The following CDH23 variants were observed in gnomAD, a reference collection of about 807,000 sequenced individuals.
The protein encoded by CDH23 is cadherin related 23, also known as cadherin-23.
Under a neutral mutation model 317.1 loss-of-function variants are expected in CDH23, and 189 were observed. The ratio of observed to expected loss-of-function variants is 0.60; its 90% CI spans 0.53 to 0.67. The LOEUF (loss-of-function observed/expected upper bound fraction) is 0.67, where lower values mean the gene tolerates loss of function less well. Among genes scored for constraint, CDH23 ranks in the 30% least tolerant of loss-of-function variants. The pLI is 0.00. For missense variants in CDH23, 4,401 were observed against 4,592.4 expected (o/e 0.96, Z 1.20); for synonymous variants, 1,839 against 1,876.8 (o/e 0.98, Z 0.52).
chr10:71,566,630 T>C lies in CDH23; in HGVS notation c.430-112T>C, dbSNP rs372516485. ...CTCCTAGAATGAAAATGACAAGGCC[T>C]CGGGTCTGGTTGGCTGAAGGATGTA... On this transcript the variant is annotated intron_variant, in intron 6 of 69. Coordinates refer to ENST00000224721, the MANE Select transcript of CDH23 (RefSeq NM_022124.6). 3.0e-5 allele frequency: 28 copies of C among 933,094 alleles called. No individual in the cohort carries two copies. In the East Asian group the frequency reaches 3.6e-4, roughly 12 times the overall value. The allele number at this position is 933,094 out of a possible 1,614,324, so 57.8% of individuals were successfully genotyped here.
intron 24 of CDH23, among the ~76,000 whole-genome samples, chr10:71,703,267 T>G (rs1865659032): frequency 6.6e-6 from 1 of 152,106 alleles, no homozygotes. Context: ...GGGTTTCAAG[T>G]CCTTTCAACA....
At chr10:71,683,443 C>G (rs549279586) in intron 18 of CDH23, among the ~76,000 whole-genome samples, 1 of 152,342 alleles carries the variant, frequency 6.6e-6, no homozygotes, top group Non-Finnish European at 1.5e-5. Context: ...GCAGCCTCTG[C>G]CACTGCCCAC....
In CDH23 at chr10:71,576,297, T is replaced by G. The variant is rs1034297981; in HGVS notation, c.754-1617T>G. Among the ~76,000 whole-genome samples, 6 of 152,164 alleles carry G rather than the reference T, an allele frequency of 3.9e-5. No individual in the cohort carries two copies. In the East Asian group the frequency reaches 1.2e-3, roughly 29 times the overall value. On this transcript the variant is annotated intron_variant, in intron 8 of 69. Coordinates refer to ENST00000224721, the MANE Select transcript of CDH23 (RefSeq NM_022124.6). The stretch of plus-strand genomic sequence containing the variant: ...GTGACTCTCTGGGGTGGTGATCCAG[T>G]GGGCCTCAGGCCCAGTTATCCTAGC...
chr10:71,510,805 A>G (rs1853925512), intron 4 of CDH23, 149 bp from the exon 5 acceptor site: 3 of 708,898 alleles, frequency 4.2e-6, no homozygotes, highest in South Asian at 3.3e-5. Context: ...CCAAAGGGCA[A>G]TGCTGGTATT....
intron 14 of CDH23, among the ~76,000 whole-genome samples, chr10:71,652,325 T>C (rs1863213414): frequency 6.6e-6 from 1 of 152,232 alleles, no homozygotes; most frequent in Non-Finnish European, 1.5e-5. Context: ...TGCAATCCTG[T>C]CTTACTATGA....
At chr10:71,450,235 TG>T (rs1347867173) in intron 3 of CDH23, among the ~76,000 whole-genome samples, 3 of 150,816 alleles carry the variant, frequency 2.0e-5, no homozygotes, top group Non-Finnish European at 2.9e-5. Context: ...GCAGGGGTGC[TG>T]TCTCCCACTT....
intron 6 of CDH23, among the ~76,000 whole-genome samples, chr10:71,521,836 C>G (rs1191298922): frequency 6.6e-6 from 1 of 152,260 alleles, no homozygotes; most frequent in Non-Finnish European, 1.5e-5. Flanking sequence ...CTAAACCCGC[C>G]TCCCAGGTGG....
intron 6 of CDH23, among the ~76,000 whole-genome samples, chr10:71,551,590 A>G (rs1309552530): frequency 6.6e-6 from 1 of 152,156 alleles, no homozygotes; most frequent in Non-Finnish European, 1.5e-5. Context: ...ATCTTAACAG[A>G]TGAGACCATG....
intron 3 of CDH23, among the ~76,000 whole-genome samples, chr10:71,466,049 G>A (rs1015746849): frequency 6.6e-6 from 1 of 152,178 alleles, no homozygotes; most frequent in African/African-American, 2.4e-5. Flanking sequence ...AACGCAGGCA[G>A]GACATTCCGG....
At chr10:71,552,835 C>T (rs183029708) in intron 6 of CDH23, among the ~76,000 whole-genome samples, 145 of 152,214 alleles carry the variant, frequency 9.5e-4, no homozygotes, top group Non-Finnish European at 9.3e-4. Flanking sequence ...TGCTGCTTCC[C>T]TCGAGGTTAA....
At chr10:71,679,571 A>T (rs3802716) in intron 17 of CDH23, 79 bp downstream of exon 17, 3 of 1,138,268 alleles carry the variant, frequency 2.6e-6, no homozygotes, top group African/African-American at 3.1e-5. Flanking sequence ...CCTTGTGGGG[A>T]TGAGGCGGGC....
intron 6 of CDH23, among the ~76,000 whole-genome samples, chr10:71,532,061 G>A (rs571443965): frequency 6.6e-6 from 1 of 152,118 alleles, no homozygotes; most frequent in East Asian, 1.9e-4. Context: ...AGAGCAAAAG[G>A]TAGGAAAAGC....
intron 11 of CDH23, among the ~76,000 whole-genome samples, chr10:71,626,580 C>G (rs1461982227): frequency 1.3e-5 from 2 of 152,202 alleles, no homozygotes; most frequent in East Asian, 3.8e-4. Flanking sequence ...TGCAGCTGCC[C>G]TCAACTCTCC....
chr10:71,803,997 A>G (rs1437215565), intron 55 of CDH23, among the ~76,000 whole-genome samples: 2 of 151,936 alleles, frequency 1.3e-5, no homozygotes, highest in African/African-American at 4.8e-5. Flanking sequence ...AAAAAAAAAA[A>G]AAAAATCTTT....
At chr10:71,731,878 C>T in intron 31 of CDH23, 109 bp from the exon 32 acceptor site, 1 of 1,197,382 alleles carries the variant, frequency 8.4e-7, no homozygotes, top group East Asian at 2.5e-5. Flanking sequence ...GTGGGGCAGC[C>T]CATGCTGGGT....
At chr10:71,592,979 G>C (rs1859597181) in intron 9 of CDH23, among the ~76,000 whole-genome samples, 1 of 152,206 alleles carries the variant, frequency 6.6e-6, no homozygotes, top group South Asian at 2.1e-4. Context: ...AGAGGGGTCA[G>C]ATTGGCCAGC....
At chr10:71,760,733 C>A (rs189086216) in intron 38 of CDH23, 14 of 776,466 alleles carry the variant, frequency 1.8e-5, no homozygotes. Flanking sequence ...GGATGTGCAG[C>A]AGCAGAAAAG....
intron 7 of CDH23, among the ~76,000 whole-genome samples, chr10:71,567,736 C>A (rs1857491846): frequency 6.6e-6 from 1 of 152,236 alleles, no homozygotes; most frequent in African/African-American, 2.4e-5. Context: ...TAAATAGGGT[C>A]CTCCCCCTAC....
chr10:71,763,634 C>T (rs1054307492), intron 38 of CDH23, among the ~76,000 whole-genome samples: 9 of 152,208 alleles, frequency 5.9e-5, no homozygotes, highest in Admixed American at 5.2e-4. Flanking sequence ...CGCTGAGCCC[C>T]GACTCCTCAC....
Sources: allele counts gnomAD v4.1 joint callset (sites outside exome capture counted in the v4.1 genomes callset), GRCh38; gene constraint gnomAD v4.1.1; transcripts MANE v1.5; gene names NCBI Gene and HGNC (gene_info 2026-07-23, HGNC 2026-07-21).